The following DCUN1D4 variants were observed in gnomAD, a reference collection of about 807,000 sequenced individuals.
DCUN1D4 encodes defective in cullin neddylation 1 domain containing 4.
A neutral mutation model predicts 47.9 loss-of-function variants in DCUN1D4; 22 were observed. The ratio of observed to expected loss-of-function variants is 0.46; its 90% CI spans 0.33 to 0.66. The LOEUF is 0.66. Among genes scored for constraint, DCUN1D4 ranks in the 30% least tolerant of loss-of-function variants. DCUN1D4 has a pLI of 0.02. For missense variants in DCUN1D4, 301 were observed against 340.8 expected, an observed-to-expected ratio of 0.88 and a Z score of 0.92; for synonymous variants, 121 against 112.2, an observed-to-expected ratio of 1.08 and a Z score of -0.50.
intron 8 of DCUN1D4, chr4:51,905,108 G>A: frequency 2.3e-6 from 1 of 432,520 alleles, no homozygotes; most frequent in Non-Finnish European, 4.8e-6. Flanking sequence ...TTTGAACCTT[G>A]TAGCCAATTT....
chr4:51,834,104 T>TTTTTTTTTTC, the DCUN1D4 span, among the ~76,000 whole-genome samples: 3 of 115,428 alleles, frequency 2.6e-5, no homozygotes, highest in African/African-American at 1.3e-4. Context: ...TTCTTCTTTC[T>TTTTTTTTTTC]TTTTTTTTTC....
chr4:51,843,310 T>G (rs1440906098), intron 1 of DCUN1D4, 43 bp downstream of exon 1: 4 of 1,501,570 alleles, frequency 2.7e-6, no homozygotes, highest in South Asian at 2.5e-5. Flanking sequence ...GCCGGGCGGC[T>G]GCCAAACTCG....
intron 5 of DCUN1D4, among the ~76,000 whole-genome samples, chr4:51,878,228 A>G (rs1415724799): frequency 6.6e-6 from 1 of 151,674 alleles, no homozygotes; most frequent in South Asian, 2.1e-4. Flanking sequence ...TCTTTATATT[A>G]AGTGTTTCTA....
intron 5 of DCUN1D4, among the ~76,000 whole-genome samples, chr4:51,886,062 T>A (rs1330046444): frequency 6.6e-6 from 1 of 152,216 alleles, no homozygotes; most frequent in Non-Finnish European, 1.5e-5. Flanking sequence ...GTGTGGACGC[T>A]TCCTTCAGGA....
chr4:51,845,631 C>G (rs1722421809), intron 1 of DCUN1D4, among the ~76,000 whole-genome samples: 1 of 152,058 alleles, frequency 6.6e-6, no homozygotes, highest in African/African-American at 2.4e-5. Flanking sequence ...ATGTAGAAGG[C>G]TAAGATTAAT....
intron 3 of DCUN1D4, 47 bp downstream of exon 3, chr4:51,863,756 A>G (rs1725461879): frequency 7.7e-6 from 12 of 1,557,540 alleles, no homozygotes; most frequent in African/African-American, 1.4e-5. Context: ...GCTTCTTAAT[A>G]TTAGGAAAGA....
intron 1 of DCUN1D4, among the ~76,000 whole-genome samples, chr4:51,844,031 G>A (rs1722070953): frequency 6.6e-6 from 1 of 150,528 alleles, no homozygotes; most frequent in African/African-American, 2.5e-5. Flanking sequence ...AGATGGGGCA[G>A]GTGTGGAAGG....
At chr4:51,869,156 G>A (rs1726466204) in intron 3 of DCUN1D4, among the ~76,000 whole-genome samples, 1 of 131,584 alleles carries the variant, frequency 7.6e-6, no homozygotes, top group Admixed American at 7.3e-5. Flanking sequence ...GTCAATCAGA[G>A]AGGACCAAAA....
At chr4:51,883,963 A>G (rs925480186) in intron 5 of DCUN1D4, among the ~76,000 whole-genome samples, 15 of 149,640 alleles carry the variant, frequency 1.0e-4, no homozygotes, top group Admixed American at 1.0e-3. Flanking sequence ...AATCAAGATA[A>G]GAAAACTAGG....
the DCUN1D4 span, among the ~76,000 whole-genome samples, chr4:51,833,888 G>A: frequency 2.0e-5 from 3 of 152,102 alleles, no homozygotes; most frequent in Non-Finnish European, 2.9e-5. Context: ...CTCAGTCAAG[G>A]AAGGCTTAAT....
At chr4:51,874,416 G>GAACAC in intron 4 of DCUN1D4, 31 bp downstream of exon 4, 3 of 1,518,288 alleles carry the variant, frequency 2.0e-6, no homozygotes, top group Non-Finnish European at 2.7e-6. Flanking sequence ...ATCAGAATCA[G>GAACAC]TGATACATAT....
At chr4:51,870,881 T>A (rs971423705) in intron 3 of DCUN1D4, among the ~76,000 whole-genome samples, 5 of 152,202 alleles carry the variant, frequency 3.3e-5, no homozygotes, top group African/African-American at 1.2e-4. Context: ...AAGTTGTTTT[T>A]TTTTTGTAGC....
At chr4:51,871,304 G>A (rs561583729) in intron 3 of DCUN1D4, among the ~76,000 whole-genome samples, 27 of 152,200 alleles carry the variant, frequency 1.8e-4, no homozygotes, top group Non-Finnish European at 2.2e-4. Context: ...AGAAACATAA[G>A]AGAAAGCTGA....
chr4:51,859,882 G>A (rs1043464877), intron 1 of DCUN1D4, among the ~76,000 whole-genome samples: 1 of 152,018 alleles, frequency 6.6e-6, no homozygotes, highest in African/African-American at 2.4e-5. Context: ...TCAAAACCCA[G>A]CATTTATCCT....
At chr4:51,874,414 C>CAAA in intron 4 of DCUN1D4, 29 bp downstream of exon 4, 4 of 1,525,638 alleles carry the variant, frequency 2.6e-6, no homozygotes, top group Non-Finnish European at 3.6e-6. Flanking sequence ...AGATCAGAAT[C>CAAA]AGTGATACAT....
rs546605316 is a variant in DCUN1D4, at chr4:51,893,129, G to A, written c.506+1278G>A. Among the ~76,000 whole-genome samples the A allele has an allele frequency of 8.5e-5, 13 of 152,352 alleles. No homozygotes were observed. The South Asian group carries it at 2.5e-3, about 29-fold the overall frequency. On this transcript the variant is annotated intron_variant, in intron 7 of 10. Coordinates refer to ENST00000334635, the MANE Select transcript of DCUN1D4 (RefSeq NM_001040402.3). The stretch of plus-strand genomic sequence containing the variant: ...CTGAGGCATAGAGGGGATCGGTGAT[G>A]TGTGAATGTGGCAGAGATGGGAAGA...
the DCUN1D4 span, among the ~76,000 whole-genome samples, chr4:51,834,038 GTCTTTC>G: frequency 4.6e-5 from 4 of 87,836 alleles, no homozygotes; most frequent in African/African-American, 4.5e-5. Context: ...TTTGTTAGGA[GTCTTTC>G]TCTCTCTCTC....
the DCUN1D4 span, among the ~76,000 whole-genome samples, chr4:51,836,643 T>G: frequency 6.6e-6 from 1 of 151,962 alleles, no homozygotes; most frequent in Non-Finnish European, 1.5e-5. Flanking sequence ...TAATCATGGG[T>G]TTTTGACATA....
At chr4:51,901,613 T>G (rs1017287289) in intron 8 of DCUN1D4, among the ~76,000 whole-genome samples, 1 of 152,204 alleles carries the variant, frequency 6.6e-6, no homozygotes, top group Non-Finnish European at 1.5e-5. Context: ...TGCTTCTGCT[T>G]CGACACAGCC....
Sources: allele counts gnomAD v4.1 joint callset (sites outside exome capture counted in the v4.1 genomes callset), GRCh38; gene constraint gnomAD v4.1.1; transcripts MANE v1.5; gene names NCBI Gene and HGNC (gene_info 2026-07-23, HGNC 2026-07-21).